Variants in PDE10A observed in about 807,000 individuals in gnomAD.
PDE10A encodes the protein cAMP and cAMP-inhibited cGMP 3',5'-cyclic phosphodiesterase 10A.
PDE10A carries 39 observed loss-of-function variants against 97.7 expected under a neutral mutation model. That is an observed-to-expected ratio of 0.40 (90% CI 0.31 to 0.52). PDE10A has a LOEUF of 0.52. Ranked by LOEUF, PDE10A falls within the 20% of genes least tolerant of loss-of-function variation. The probability of loss-of-function intolerance (pLI) is 0.56; values close to 1 mark genes in which losing one functional copy is unlikely to be tolerated. For missense variants in PDE10A, 731 were observed against 1,047.8 expected, an observed-to-expected ratio of 0.70 and a Z score of 4.17; for synonymous variants, 371 against 376.8, an observed-to-expected ratio of 0.98 and a Z score of 0.18.
rs1325203439 is a variant in PDE10A at position 165,450,342 on chromosome 6, C to T, written c.1044G>A (p.Gln348=). 1 of 1,546,344 alleles carries T rather than the reference C, an allele frequency of 6.5e-7. No homozygotes were observed. Among genetic ancestry groups the T allele is most frequent in the Admixed American group, 1.8e-5 (1 of 56,942 alleles). Residue 348 remains glutamine (Q), a synonymous_variant, in exon 4 of 22, where the codon CAG becomes CAA. Coordinates refer to ENST00000539869, the MANE Select transcript of PDE10A (RefSeq NM_001385079.1). ...AGCTGTTTAGTTCATATACAACTCC[C>T]TGCATATTCGTATCTTGGTACTTTG... ...EVSRYQDTNM[Q]GVVYELNSYI... is the part of the protein sequence containing the mutation.
At chr6:165,879,309 T>C (rs1781417830) in intron 1 of PDE10A, among the ~76,000 whole-genome samples, 1 of 152,248 alleles carries the variant, frequency 6.6e-6, no homozygotes, top group African/African-American at 2.4e-5. Flanking sequence ...GAGTTCAAGC[T>C]GCTGGACTTT....
At chr6:165,930,012 ATG>A (rs1783076724) in intron 1 of PDE10A, among the ~76,000 whole-genome samples, 1 of 150,096 alleles carries the variant, frequency 6.7e-6, no homozygotes, top group African/African-American at 2.5e-5. Flanking sequence ...GTGCTCCCTA[ATG>A]ACCAGGCACA....
chr6:165,913,147 T>G (rs1257782061), intron 1 of PDE10A, among the ~76,000 whole-genome samples: 4 of 152,138 alleles, frequency 2.6e-5, no homozygotes, highest in African/African-American at 9.7e-5. Context: ...ATAAGTGTTG[T>G]GTTTAGACTT....
chr6:165,630,547 A>G (rs1480139383), intron 1 of PDE10A, among the ~76,000 whole-genome samples: 2 of 152,226 alleles, frequency 1.3e-5, no homozygotes, highest in African/African-American at 4.8e-5. Context: ...GAGAGACTTG[A>G]TGGACTCATG....
intron 1 of PDE10A, among the ~76,000 whole-genome samples, chr6:165,839,812 C>A: frequency 6.7e-6 from 1 of 149,342 alleles, no homozygotes; most frequent in Non-Finnish European, 1.5e-5. Context: ...TTCTCCAGCT[C>A]CATCCCCATC....
chr6:165,522,438 A>T (rs1782183735), intron 2 of PDE10A, among the ~76,000 whole-genome samples: 1 of 152,190 alleles, frequency 6.6e-6, no homozygotes, highest in African/African-American at 2.4e-5. Flanking sequence ...ATTATATCAC[A>T]AAGTTAATTC....
In PDE10A at chr6:165,663,138, C is replaced by T. The variant is rs1328678685; in HGVS notation, c.-327G>A. ...AGGCGTGGCGTGGTGTGTGCGCGCT[C>T]CGGCGGCTGAGCCTCGGCGGCTTCT... On this transcript the variant is annotated 5_prime_UTR_variant, in exon 1 of 22. Coordinates refer to ENST00000539869, the MANE Select transcript of PDE10A (RefSeq NM_001385079.1). Among the ~76,000 whole-genome samples, 1 of 151,810 alleles carries T rather than the reference C, an allele frequency of 6.6e-6. No homozygotes were observed. The highest frequency in any genetic ancestry group is 2.0e-4 in the East Asian group (1 of 5,104).
At chr6:165,430,966 A>G (rs1212888739) in intron 8 of PDE10A, among the ~76,000 whole-genome samples, 1 of 152,170 alleles carries the variant, frequency 6.6e-6, no homozygotes, top group Admixed American at 6.5e-5. Flanking sequence ...CACCAGTAAA[A>G]CTATAAGTAG....
chr6:165,377,164 T>A (rs535258991), intron 18 of PDE10A, among the ~76,000 whole-genome samples: 1 of 152,334 alleles, frequency 6.6e-6, no homozygotes, highest in Non-Finnish European at 1.5e-5. Context: ...ATACAACTTT[T>A]ATATGCACTG....
intron 2 of PDE10A, among the ~76,000 whole-genome samples, chr6:165,533,634 G>C (rs1046641875): frequency 2.0e-5 from 3 of 152,026 alleles, no homozygotes; most frequent in Non-Finnish European, 4.4e-5. Context: ...GAATAGTACT[G>C]GCACATTCCA....
intron 2 of PDE10A, 41 bp downstream of exon 2, chr6:165,543,399 A>G (rs371507652): frequency 4.3e-5 from 68 of 1,576,118 alleles, no homozygotes; most frequent in Non-Finnish European, 5.7e-5. Context: ...GCCGTAAGAT[A>G]GAAAAAGCTG....
At chr6:165,876,278 A>T (rs931496904) in intron 1 of PDE10A, among the ~76,000 whole-genome samples, 2 of 152,250 alleles carry the variant, frequency 1.3e-5, no homozygotes, top group African/African-American at 4.8e-5. Flanking sequence ...TGGTAAACTC[A>T]TCATAGCTAT....
chr6:165,500,268 C>G (rs1200772617), intron 2 of PDE10A, among the ~76,000 whole-genome samples: 2 of 151,946 alleles, frequency 1.3e-5, no homozygotes, highest in Non-Finnish European at 2.9e-5. Context: ...TGACTACTCA[C>G]AGATGGCATT....
At chr6:165,920,987 A>G (rs901346811) in intron 1 of PDE10A, among the ~76,000 whole-genome samples, 1 of 152,176 alleles carries the variant, frequency 6.6e-6, no homozygotes, top group Non-Finnish European at 1.5e-5. Context: ...CCAAAGACTC[A>G]TTTTGTCATG....
At chr6:165,480,660 G>C (rs1779554055) in intron 3 of PDE10A, among the ~76,000 whole-genome samples, 1 of 152,120 alleles carries the variant, frequency 6.6e-6, no homozygotes. Flanking sequence ...AACTGCCTGA[G>C]AGTGTAACCA....
chr6:165,481,403 A>C (rs1267128909), intron 3 of PDE10A, among the ~76,000 whole-genome samples: 2 of 151,882 alleles, frequency 1.3e-5, no homozygotes, highest in Non-Finnish European at 2.9e-5. Context: ...TCCCTCCCCT[A>C]TCTCCACACC....
At chr6:165,939,695 T>C (rs1428268492) in intron 1 of PDE10A, 1 of 152,232 alleles carries the variant, frequency 6.6e-6, no homozygotes, top group African/African-American at 2.4e-5. Flanking sequence ...GTGGATTCCA[T>C]TGTCCTCAGA....
At chr6:165,636,350 C>T (rs1272990395) in intron 1 of PDE10A, among the ~76,000 whole-genome samples, 2 of 152,066 alleles carry the variant, frequency 1.3e-5, no homozygotes, top group Non-Finnish European at 2.9e-5. Context: ...CAATAATTTT[C>T]CTAGGAGCAA....
intron 1 of PDE10A, among the ~76,000 whole-genome samples, chr6:165,838,261 G>A (rs1780120607): frequency 6.6e-6 from 1 of 152,152 alleles, no homozygotes; most frequent in South Asian, 2.1e-4. Flanking sequence ...CACATTAATG[G>A]AATGCCTTTT....
Sources: gnomAD v4.1 joint callset for allele counts (sites outside exome capture counted in the v4.1 genomes callset) on GRCh38, gnomAD v4.1.1 for gene constraint, MANE v1.5 for transcripts, NCBI Gene and HGNC (gene_info 2026-07-23, HGNC 2026-07-21) for gene names.